MAU2: variants seen among roughly 807,000 people sequenced by gnomAD.
MAU2 encodes the protein MAU2 sister chromatid cohesion factor.
Under a neutral mutation model 89.1 loss-of-function variants are expected in MAU2, and 9 were observed. The ratio of observed to expected loss-of-function variants is 0.10; its 90% CI spans 0.06 to 0.18. MAU2 has a LOEUF of 0.18. Ranked by LOEUF, MAU2 falls within the 10% of genes least tolerant of loss-of-function variation. The pLI, the probability that MAU2 is intolerant of heterozygous loss-of-function variation, is 1.00. For missense variants in MAU2, 425 were observed against 803.5 expected, an observed-to-expected ratio of 0.53 and a Z score of 5.69; for synonymous variants, 357 against 343.4, an observed-to-expected ratio of 1.04 and a Z score of -0.44.
chr19:19,355,666 C>T (rs764523667), intron 18 of MAU2, 42 bp from the exon 19 acceptor site: 25 of 1,524,926 alleles, frequency 1.6e-5, no homozygotes, highest in South Asian at 2.3e-5. Flanking sequence ...TCCCTGGGAA[C>T]GGTCCACAGT....
intron 5 of MAU2, among the ~76,000 whole-genome samples, chr19:19,340,033 C>T (rs1473824750): frequency 2.0e-5 from 3 of 151,894 alleles, no homozygotes; most frequent in South Asian, 4.2e-4. Flanking sequence ...GGCATGGTGG[C>T]GGGCGCCTGT....
At chr19:19,351,363 T>TA (rs559642242) in intron 16 of MAU2, among the ~76,000 whole-genome samples, 1,662 of 139,908 alleles carry the variant, frequency 0.012, 15 homozygotes, top group Non-Finnish European at 0.016. Context: ...TGCTATCTCT[T>TA]AAAAAAAAAA....
At position 19,357,316 on chromosome 19, in the gene MAU2, T is replaced by A. The variant is rs2048190926; in HGVS notation, c.*1534T>A. ...GGGAGAGCCTGGCCCTGTCCTTTGC[T>A]ACCCAGGGCTGCCCCCAGGCCCATG... On this transcript the variant is annotated 3_prime_UTR_variant, in exon 19 of 19. Transcript: ENST00000262815. The A allele has an allele frequency of 6.6e-6, 1 of 152,320 alleles. No homozygotes were observed. The highest frequency in any genetic ancestry group is 2.4e-5 in the African/African-American group (1 of 41,406). The allele number at this position is 152,320 out of a possible 1,614,324, so 9.4% of individuals were successfully genotyped here.
Position 19,338,926 on chromosome 19 carries a change from T to C in MAU2, c.538T>C (p.Ser180Pro). ...VGAEYARVVG[S>P]EYTRALFLLS... ...GGCCGAGTACGCCCGGGTGGTGGGA[T>C]CTGAATACACACGGTAGGCACCCAC... The change falls in exon 5 of 19, where the codon TCT becomes CCT. Residue 180 changes from serine (S) to proline (P), a missense_variant. Ser to Pro is a moderately conservative substitution (Grantham distance 74, BLOSUM62 -1). Around this residue, in one of 11 missense-constraint regions of MAU2, gnomAD observed 119 missense variants for 299.8 expected, o/e 0.40. Coordinates refer to ENST00000262815, the MANE Select transcript of MAU2 (RefSeq NM_015329.4). The C allele has an allele frequency of 6.2e-7, 1 of 1,613,156 alleles. No homozygotes were observed. Among genetic ancestry groups the C allele is most frequent in the South Asian group, 1.1e-5 (1 of 90,778 alleles).
In MAU2 at chr19:19,348,950, C is replaced by G. The variant is rs1021377587; in HGVS notation, c.1358+12C>G. ...AGCTTCCCTGTCAGGTGAGCCGCTCCAGGCACCACTCCACGCACGGCCTAG... is the reference window on the plus strand; with the variant it reads ...AGCTTCCCTGTCAGGTGAGCCGCTCGAGGCACCACTCCACGCACGGCCTAG... On this transcript the variant is annotated intron_variant, in intron 14 of 18. Transcript: ENST00000262815. 1 of 1,612,760 alleles carries G rather than the reference C, an allele frequency of 6.2e-7. No homozygotes were observed. The highest frequency in any genetic ancestry group is 8.5e-7 in the Non-Finnish European group (1 of 1,179,564).
At chr19:19,331,082 G>A (rs1568651979) in intron 1 of MAU2, among the ~76,000 whole-genome samples, 1 of 152,046 alleles carries the variant, frequency 6.6e-6, no homozygotes, top group Non-Finnish European at 1.5e-5. Context: ...ACCCTAAGGT[G>A]ACCCCAGGGG....
chr19:19,332,561 C>T (rs763846551), intron 1 of MAU2, among the ~76,000 whole-genome samples: 31 of 150,194 alleles, frequency 2.1e-4, no homozygotes, highest in Non-Finnish European at 4.4e-4. Context: ...CTCTGGCTCC[C>T]AGTCAGCGCT....
chr19:19,349,147 C>T lies in MAU2; in HGVS notation c.1359-8C>T, dbSNP rs368974007. 6.2e-6 allele frequency: 10 copies of T among 1,613,906 alleles called. No individual in the cohort carries two copies. Among genetic ancestry groups the T allele is most frequent in the South Asian group, 3.3e-5 (3 of 91,076 alleles). Reference sequence around the variant, plus strand: ...ACCACCCCATGTGATACTGCACTCTCCCTGCAGCTCGCACTGCCTCCGAGC... The same window carrying T: ...ACCACCCCATGTGATACTGCACTCTTCCTGCAGCTCGCACTGCCTCCGAGC... On this transcript the variant is annotated splice_region_variant and splice_polypyrimidine_tract_variant and intron_variant, in intron 14 of 18. Coordinates refer to ENST00000262815, the MANE Select transcript of MAU2 (RefSeq NM_015329.4).
Position 19,349,937 on chromosome 19 carries a change from C to T in MAU2, c.1548+501C>T, listed in dbSNP as rs75978913. Among the ~76,000 whole-genome samples the T allele has an allele frequency of 7.4e-4, 113 of 151,828 alleles. No individual in the cohort carries two copies. The East Asian group carries it at 0.021, about 28-fold the overall frequency. ...CCGCCTCAGTCCTTCCTGTCAATTCCTCGCCTACTCTCACCCACTGATCTC... is the reference window on the plus strand; with the variant it reads ...CCGCCTCAGTCCTTCCTGTCAATTCTTCGCCTACTCTCACCCACTGATCTC... On this transcript the variant is annotated intron_variant, in intron 16 of 18. Coordinates refer to ENST00000262815, the MANE Select transcript of MAU2 (RefSeq NM_015329.4).
chr19:19,325,489 AT>A (rs1245317946), intron 1 of MAU2, among the ~76,000 whole-genome samples: 3 of 150,036 alleles, frequency 2.0e-5, no homozygotes, highest in Non-Finnish European at 4.4e-5. Context: ...TTTATTTTTC[AT>A]TTTTTTGAGA....
intron 1 of MAU2, chr19:19,334,358 C>T: frequency 1.0e-6 from 1 of 985,794 alleles, no homozygotes; most frequent in Non-Finnish European, 1.2e-6. Context: ...GTGTCAGGGG[C>T]TCGGGCTCTC....
At chr19:19,334,442 G>A in intron 1 of MAU2, 2 of 985,660 alleles carry the variant, frequency 2.0e-6, no homozygotes, top group Non-Finnish European at 2.4e-6. Context: ...CTTTCCCAGT[G>A]CCTGTGACAT....
intron 1 of MAU2, among the ~76,000 whole-genome samples, chr19:19,326,625 G>A (rs1013978343): frequency 4.7e-5 from 7 of 149,822 alleles, no homozygotes; most frequent in African/African-American, 1.5e-4. Flanking sequence ...GGCGGAGCTT[G>A]CAGTGAGCTG....
chr19:19,355,018 TG>T, intron 17 of MAU2: 1 of 462,308 alleles, frequency 2.2e-6, no homozygotes, highest in Non-Finnish European at 3.9e-6. Flanking sequence ...ATGGGCTCCC[TG>T]GAGGGCTGGC....
Position 19,349,949 on chromosome 19 carries a change from C to A in MAU2, c.1548+513C>A, listed in dbSNP as rs539967543. On this transcript the variant is annotated intron_variant, in intron 16 of 18. Transcript: ENST00000262815. ...TTCCTGTCAATTCCTCGCCTACTCT[C>A]ACCCACTGATCTCACGAGGTCTTGA... 1.5e-3 allele frequency among the ~76,000 whole-genome samples: 223 copies of A among 151,680 alleles called. 2 individuals carry two copies. Among genetic ancestry groups the A allele is most frequent in the African/African-American group, 5.2e-3 (216 of 41,364 alleles).
intron 1 of MAU2, among the ~76,000 whole-genome samples, 179 bp downstream of exon 1, chr19:19,321,314 G>T (rs2061452999): frequency 6.6e-6 from 1 of 152,142 alleles, no homozygotes; most frequent in African/African-American, 2.4e-5. Flanking sequence ...GCCTCTCAAG[G>T]GACACGAAAG....
intron 16 of MAU2, among the ~76,000 whole-genome samples, chr19:19,351,848 T>C (rs1438933859): frequency 7.6e-6 from 1 of 131,098 alleles, no homozygotes; most frequent in East Asian, 2.2e-4. Context: ...TTTTTTTTTT[T>C]TTTTTTTTTT....
chr19:19,342,661 A>G lies in MAU2; in HGVS notation c.862A>G (p.Met288Val). The change falls in exon 8 of 19, where the codon ATG (methionine) becomes GTG (valine). Residue 288 changes from methionine (M) to valine (V), a missense_variant. By Grantham distance (21) the Met-to-Val change is conservative. This residue lies in a region of MAU2 where 119 missense variants were observed against 299.8 expected (regional missense o/e 0.40). Coordinates refer to ENST00000262815, the MANE Select transcript of MAU2 (RefSeq NM_015329.4). ...CTTCCACTGGCTGCCCAAGGAGCACATGTGTGTGCTTGTCTACCTGGTGCG... is the reference window on the plus strand; with the variant it reads ...CTTCCACTGGCTGCCCAAGGAGCACGTGTGTGTGCTTGTCTACCTGGTGCG... ...DLFHWLPKEHMCVLVYLVTVM... is the reference protein window; with the variant it reads ...DLFHWLPKEHVCVLVYLVTVM... 6.2e-7 allele frequency: 1 copy of G among 1,611,400 alleles called. No homozygotes were observed. The highest frequency in any genetic ancestry group is 8.5e-7 in the Non-Finnish European group (1 of 1,178,570).
chr19:19,346,402 C>G (rs1053377251), intron 12 of MAU2, among the ~76,000 whole-genome samples: 5 of 152,128 alleles, frequency 3.3e-5, no homozygotes, highest in African/African-American at 1.2e-4. Flanking sequence ...CTAAGGAGTC[C>G]TCACCCCGAG....
Sources: allele counts gnomAD v4.1 joint callset (sites outside exome capture counted in the v4.1 genomes callset), GRCh38; gene constraint gnomAD v4.1.1; regional missense constraint gnomAD v4.1.1; transcripts MANE v1.5; gene names NCBI Gene and HGNC (gene_info 2026-07-23, HGNC 2026-07-21).